Variants in HHAT observed in about 807,000 individuals in gnomAD.
The protein encoded by HHAT is hedgehog acyltransferase.
A neutral mutation model predicts 70.8 loss-of-function variants in HHAT; 47 were observed. That is an observed-to-expected ratio of 0.66 (90% CI 0.53 to 0.85). HHAT has a LOEUF of 0.85. Among genes scored for constraint, HHAT ranks in the 40% least tolerant of loss-of-function variants. The pLI is 0.00. For synonymous variants in HHAT, 228 were observed against 247.6 expected (o/e 0.92, Z 0.74); for missense variants, 609 against 604.8 (o/e 1.01, Z -0.07).
chr1:210,446,995 C>A (rs1020584544), intron 7 of HHAT, among the ~76,000 whole-genome samples: 2 of 152,170 alleles, frequency 1.3e-5, no homozygotes, highest in African/African-American at 4.8e-5. Flanking sequence ...AATTGACACT[C>A]CATAAATATT....
chr1:210,474,994 G>T (rs1446123150), intron 8 of HHAT, among the ~76,000 whole-genome samples: 1 of 151,202 alleles, frequency 6.6e-6, no homozygotes, highest in Non-Finnish European at 1.5e-5. Flanking sequence ...GGGACTACAG[G>T]TGTGGGCCAC....
chr1:210,405,938 C>T (rs188778616), intron 6 of HHAT, among the ~76,000 whole-genome samples: 1 of 152,294 alleles, frequency 6.6e-6, no homozygotes, highest in East Asian at 1.9e-4. Flanking sequence ...GATCTTCTAA[C>T]TCAATGATTT....
In HHAT at chr1:210,334,177, C is replaced by CTTTTTTTTTT. The variant is rs1342123521; in HGVS notation, c.-44+5073_-44+5074insTTTTTTTTTT. On this transcript the variant is annotated intron_variant, in intron 1 of 11. Transcript: ENST00000261458. ...GTACTTGCTGGCCACTTTAGCGTGTCATTTTTTTTTTTTTTTTTTTTGAGA... is the reference window on the plus strand; with the variant it reads ...GTACTTGCTGGCCACTTTAGCGTGTCTTTTTTTTTTATTTTTTTTTTTTTTTTTTTTGAGA... 1.2e-3 allele frequency among the ~76,000 whole-genome samples: 42 copies of CTTTTTTTTTT among 34,540 alleles called. 2 individuals are homozygous for CTTTTTTTTTT. Among genetic ancestry groups the CTTTTTTTTTT allele is most frequent in the African/African-American group, 6.1e-3 (37 of 6,072 alleles). The allele number at this position is 34,540 out of a possible 152,430, so 22.7% of individuals were successfully genotyped here.
intron 9 of HHAT, among the ~76,000 whole-genome samples, chr1:210,563,598 C>T (rs2095643449): frequency 6.6e-6 from 1 of 152,152 alleles, no homozygotes. Context: ...AGTTGGGAAC[C>T]ACTTCTTATC....
intron 11 of HHAT, among the ~76,000 whole-genome samples, chr1:210,666,440 C>T (rs1403268594): frequency 1.3e-5 from 2 of 152,052 alleles, no homozygotes; most frequent in African/African-American, 4.8e-5. Flanking sequence ...TCCCCCTGCC[C>T]CTAGGAAGAT....
At chr1:210,533,980 C>T (rs4845046) in intron 9 of HHAT, among the ~76,000 whole-genome samples, 8,199 of 152,090 alleles carry the variant, frequency 0.054, 490 homozygotes, top group East Asian at 0.29. Flanking sequence ...TGGAAGATGG[C>T]GTTAGGCAGG....
chr1:210,501,704 T>C (rs577718818), intron 8 of HHAT, among the ~76,000 whole-genome samples: 2 of 152,262 alleles, frequency 1.3e-5, no homozygotes, highest in East Asian at 1.9e-4. Flanking sequence ...GTGCCTCTCA[T>C]TGGGAGAACT....
At chr1:210,403,260 C>G (rs569450090) in intron 5 of HHAT, among the ~76,000 whole-genome samples, 1 of 152,236 alleles carries the variant, frequency 6.6e-6, no homozygotes, top group South Asian at 2.1e-4. Context: ...ATTAGGCAAC[C>G]ATTTAGGCAA....
At chr1:210,599,645 T>C (rs1008890343) in intron 10 of HHAT, among the ~76,000 whole-genome samples, 21 of 152,196 alleles carry the variant, frequency 1.4e-4, no homozygotes, top group African/African-American at 5.1e-4. Flanking sequence ...TGTTTCTATT[T>C]CTACTGAAAT....
chr1:210,362,677 A>G (rs1271070245), intron 2 of HHAT, among the ~76,000 whole-genome samples, 175 bp from the exon 3 acceptor site: 2 of 152,210 alleles, frequency 1.3e-5, no homozygotes, highest in East Asian at 3.8e-4. Context: ...CCAGGAACTT[A>G]GGTCACAGAA....
At chr1:210,673,325 T>C (rs1680469026) in intron 11 of HHAT, among the ~76,000 whole-genome samples, 4 of 151,966 alleles carry the variant, frequency 2.6e-5, no homozygotes. Flanking sequence ...AGAGCTCCTA[T>C]TAGTGTTATT....
At chr1:210,628,304 G>T (rs1465677600) in intron 11 of HHAT, among the ~76,000 whole-genome samples, 1 of 151,958 alleles carries the variant, frequency 6.6e-6, no homozygotes, top group African/African-American at 2.4e-5. Context: ...TTTGTCCAGG[G>T]AAGCCATGGA....
chr1:210,659,625 T>C (rs888838025), intron 11 of HHAT, among the ~76,000 whole-genome samples: 1 of 152,142 alleles, frequency 6.6e-6, no homozygotes, highest in African/African-American at 2.4e-5. Flanking sequence ...AAAAAGAGAA[T>C]TTTAGACCAA....
chr1:210,580,305 T>C (rs1208630305), intron 9 of HHAT, among the ~76,000 whole-genome samples: 1 of 152,096 alleles, frequency 6.6e-6, no homozygotes, highest in East Asian at 1.9e-4. Flanking sequence ...TTATCTCTAC[T>C]GGACAGAAAA....
intron 11 of HHAT, 65 bp from the exon 12 acceptor site, chr1:210,674,223 C>T (rs1009267864): frequency 6.7e-6 from 9 of 1,346,174 alleles, no homozygotes; most frequent in Admixed American, 5.1e-5. Flanking sequence ...GGACAGTTTG[C>T]CCATGTGGGA....
At chr1:210,471,901 T>A (rs2094212093) in intron 8 of HHAT, among the ~76,000 whole-genome samples, 1 of 152,174 alleles carries the variant, frequency 6.6e-6, no homozygotes, top group South Asian at 2.1e-4. Context: ...TTAGTCACCG[T>A]ATTATATGAC....
intron 8 of HHAT, among the ~76,000 whole-genome samples, chr1:210,482,562 G>T (rs983195247): frequency 1.3e-5 from 2 of 152,112 alleles, no homozygotes; most frequent in African/African-American, 4.8e-5. Flanking sequence ...TTACAACCGT[G>T]ATCCCAGCCC....
chr1:210,436,423 G>T (rs977936461), intron 7 of HHAT, among the ~76,000 whole-genome samples: 22 of 151,280 alleles, frequency 1.5e-4, no homozygotes, highest in Non-Finnish European at 7.4e-5. Context: ...CGTTCTTTTT[G>T]CTCAGGGTTG....
intron 11 of HHAT, 97 bp from the exon 12 acceptor site, chr1:210,674,191 T>C: frequency 1.0e-6 from 1 of 955,738 alleles, no homozygotes; most frequent in Non-Finnish European, 1.7e-6. Context: ...TTGTTGTTTG[T>C]CAGGTTGCCT....
Sources: gnomAD v4.1 joint callset for allele counts (sites outside exome capture counted in the v4.1 genomes callset) on GRCh38, gnomAD v4.1.1 for gene constraint, MANE v1.5 for transcripts, NCBI Gene and HGNC (gene_info 2026-07-23, HGNC 2026-07-21) for gene names.